The following STAC variants were observed in gnomAD, a reference collection of about 807,000 sequenced individuals.
STAC encodes SH3 and cysteine-rich domain-containing protein.
In STAC, 43 loss-of-function variants were observed where a neutral mutation model predicts 48.8. The observed-to-expected ratio is 0.88, with a 90% CI of 0.69 to 1.14. The LOEUF is 1.14. Ranked by LOEUF, STAC falls within the 50% of genes most tolerant of loss-of-function variation. The probability of loss-of-function intolerance (pLI) is 0.00; values close to 1 mark genes in which losing one functional copy is unlikely to be tolerated. For missense variants in STAC, 497 were observed against 504.0 expected (o/e 0.99, Z 0.13); for synonymous variants, 193 against 179.5 (o/e 1.07, Z -0.60).
intron 8 of STAC, among the ~76,000 whole-genome samples, chr3:36,507,059 G>T (rs1188632045): frequency 6.6e-6 from 1 of 152,160 alleles, no homozygotes; most frequent in Admixed American, 6.5e-5. Flanking sequence ...TTGGGTGTGG[G>T]TTTGTCATAA....
At position 36,380,688 on chromosome 3, in the gene STAC, G is replaced by A. The variant is rs1699488544; in HGVS notation, c.45G>A (p.Leu15=). ...CCCGCGAGGACGGCGTGGACGGGCT[G>A]CCCAAGGAGGCGGTGGGCGCCGAGC... The part of the protein sequence containing the change: ...SSPREDGVDG[L]PKEAVGAEQP... Residue 15 remains leucine (L), a synonymous_variant, in exon 1 of 11, where the codon CTG becomes CTA. Coordinates refer to ENST00000273183, the MANE Select transcript of STAC (RefSeq NM_003149.3). 6.2e-7 allele frequency: 1 copy of A among 1,610,144 alleles called. No homozygotes were observed. The highest frequency in any genetic ancestry group is 1.3e-5 in the African/African-American group (1 of 74,872).
At chr3:36,467,779 A>G (rs1177822362) in intron 2 of STAC, among the ~76,000 whole-genome samples, 1 of 152,016 alleles carries the variant, frequency 6.6e-6, no homozygotes, top group Non-Finnish European at 1.5e-5. Context: ...ATTTTTTCAA[A>G]GAGCCAGCTT....
At chr3:36,410,856 A>T (rs924037607) in intron 1 of STAC, among the ~76,000 whole-genome samples, 3 of 152,214 alleles carry the variant, frequency 2.0e-5, no homozygotes, top group Non-Finnish European at 2.9e-5. Context: ...GTGCCTTGCC[A>T]TCTGGCCTCT....
rs560728839 is a variant in STAC at position 36,453,993 on chromosome 3, T to C, written c.388+10353T>C. Reference sequence around the variant, plus strand: ...TTATCTAGCTAATCTGGTGGGGACGTGGAGAACCTTTGTGTCTAGCTCAGG... The same window carrying C: ...TTATCTAGCTAATCTGGTGGGGACGCGGAGAACCTTTGTGTCTAGCTCAGG... On this transcript the variant is annotated intron_variant, in intron 2 of 10. Transcript: ENST00000273183. Among the ~76,000 whole-genome samples, 120 of 152,224 alleles carry C rather than the reference T, an allele frequency of 7.9e-4. No homozygotes were observed. The Middle Eastern group carries it at 0.01, about 13-fold the overall frequency.
chr3:36,526,103 T>C (rs753176367), intron 8 of STAC, among the ~76,000 whole-genome samples: 1 of 152,100 alleles, frequency 6.6e-6, no homozygotes, highest in Non-Finnish European at 1.5e-5. Context: ...TTGTGAACAA[T>C]GAAGATGACC....
intron 10 of STAC, among the ~76,000 whole-genome samples, chr3:36,543,930 C>T (rs992677434): frequency 6.6e-6 from 1 of 152,100 alleles, no homozygotes; most frequent in African/African-American, 2.4e-5. Context: ...TATTTAAATT[C>T]AACATGTTTT....
At chr3:36,440,005 G>C (rs1483035174) in intron 1 of STAC, among the ~76,000 whole-genome samples, 1 of 152,218 alleles carries the variant, frequency 6.6e-6, no homozygotes, top group Non-Finnish European at 1.5e-5. Context: ...CAGAGGGAAA[G>C]GGACAAAAGT....
chr3:36,487,092 C>T (rs1697834190), intron 5 of STAC, among the ~76,000 whole-genome samples: 2 of 152,180 alleles, frequency 1.3e-5, no homozygotes, highest in South Asian at 4.1e-4. Flanking sequence ...CATCAAGTGA[C>T]TAGGTGGATT....
chr3:36,521,622 G>A (rs1220843554), intron 8 of STAC, among the ~76,000 whole-genome samples: 1 of 152,134 alleles, frequency 6.6e-6, no homozygotes, highest in Non-Finnish European at 1.5e-5. Context: ...GTTAGCGTCT[G>A]AAGCCACTGA....
chr3:36,528,822 G>T (rs1329319096), intron 9 of STAC, 26 bp from the exon 10 acceptor site: 5 of 1,609,232 alleles, frequency 3.1e-6, no homozygotes, highest in Non-Finnish European at 4.2e-6. Flanking sequence ...TACAATTGTG[G>T]ATGCATGCCT....
chr3:36,532,881 T>A (rs983666816), intron 10 of STAC, among the ~76,000 whole-genome samples: 1 of 152,220 alleles, frequency 6.6e-6, no homozygotes, highest in African/African-American at 2.4e-5. Flanking sequence ...TAGTCATTAT[T>A]TAAAGTCATA....
intron 1 of STAC, among the ~76,000 whole-genome samples, chr3:36,406,279 C>G (rs1251474845): frequency 6.6e-6 from 1 of 152,134 alleles, no homozygotes; most frequent in African/African-American, 2.4e-5. Context: ...TGGAAGACAC[C>G]AGGGAAAGTG....
chr3:36,514,531 C>T (rs1321267971), intron 8 of STAC, among the ~76,000 whole-genome samples: 2 of 152,110 alleles, frequency 1.3e-5, no homozygotes, highest in African/African-American at 4.8e-5. Context: ...AATTATTTGG[C>T]TAGTCTCTAT....
At chr3:36,437,956 T>C (rs1374982885) in intron 1 of STAC, among the ~76,000 whole-genome samples, 3 of 148,820 alleles carry the variant, frequency 2.0e-5, no homozygotes, top group Non-Finnish European at 4.5e-5. Context: ...ATTATTATTA[T>C]TATTATTATT....
At chr3:36,473,910 T>C (rs1697416863) in intron 2 of STAC, among the ~76,000 whole-genome samples, 1 of 152,162 alleles carries the variant, frequency 6.6e-6, no homozygotes, top group Non-Finnish European at 1.5e-5. Flanking sequence ...AAAACAAAAA[T>C]AAGCCCCTGA....
chr3:36,480,062 G>T (rs2125697564), intron 2 of STAC, among the ~76,000 whole-genome samples: 1 of 152,292 alleles, frequency 6.6e-6, no homozygotes, highest in Non-Finnish European at 1.5e-5. Flanking sequence ...AAATCATGGT[G>T]TTTGGGTCTG....
At chr3:36,459,074 T>C (rs1213379871) in intron 2 of STAC, 1 of 152,214 alleles carries the variant, frequency 6.6e-6, no homozygotes, top group Non-Finnish European at 1.5e-5. Flanking sequence ...AAGAGTTATG[T>C]GAAAGGCATT....
chr3:36,392,791 T>C (rs955005871), intron 1 of STAC, among the ~76,000 whole-genome samples: 13 of 152,198 alleles, frequency 8.5e-5, no homozygotes, highest in South Asian at 2.1e-4. Context: ...TTAAAATCCA[T>C]GCTCTCAGAT....
intron 1 of STAC, among the ~76,000 whole-genome samples, chr3:36,435,567 CCT>C (rs1273301679): frequency 6.6e-6 from 1 of 152,068 alleles, no homozygotes; most frequent in African/African-American, 2.4e-5. Context: ...TCAGATATTG[CCT>C]CTTTTCACTA....
Sources: allele counts gnomAD v4.1 joint callset (sites outside exome capture counted in the v4.1 genomes callset), GRCh38; gene constraint gnomAD v4.1.1; transcripts MANE v1.5; gene names NCBI Gene and HGNC (gene_info 2026-07-23, HGNC 2026-07-21).